The following RFC1 variants were observed in gnomAD, a reference collection of about 807,000 sequenced individuals.
The protein encoded by RFC1 is A1 140 kDa subunit.
In RFC1, 37 loss-of-function variants were observed where a neutral mutation model predicts 137.4. The observed-to-expected ratio is 0.27, with a 90% confidence interval of 0.21 to 0.35. RFC1 has a LOEUF of 0.35. Among genes scored for constraint, RFC1 ranks in the 10% least tolerant of loss-of-function variants. RFC1 has a pLI of 1.00. For missense variants in RFC1, 1,205 were observed against 1,358.5 expected, an observed-to-expected ratio of 0.89 and a Z score of 1.78; for synonymous variants, 429 against 455.7, an observed-to-expected ratio of 0.94 and a Z score of 0.75.
At chr4:39,365,016 G>A (rs1741950299) in intron 1 of RFC1, among the ~76,000 whole-genome samples, 1 of 151,990 alleles carries the variant, frequency 6.6e-6, no homozygotes. Flanking sequence ...TCATTATAGG[G>A]AAGTAGTATA....
At chr4:39,302,239 G>T in intron 19 of RFC1, 39 bp downstream of exon 19, 1 of 1,280,686 alleles carries the variant, frequency 7.8e-7, no homozygotes, top group South Asian at 1.2e-5. Flanking sequence ...GAAGTGTTTT[G>T]GCTTAGGAAA....
In RFC1 at chr4:39,302,526, A is replaced by C; in HGVS notation, c.2410T>G (p.Leu804Val). 6.2e-7 allele frequency: 1 copy of C among 1,609,326 alleles called. No individual in the cohort carries two copies. Among genetic ancestry groups the C allele is most frequent in the South Asian group, 1.1e-5 (1 of 90,702 alleles). ...TGTCTGATATCTTGATTGGCTCCCA[A>C]AATTATTTCATTCATAGCTGGAGGG... ...IPPPAMNEII[L>V]GANQDIRQVL... Residue 804 changes from leucine (L) to valine (V), a missense_variant, in exon 18 of 25, where the codon TTG (leucine) becomes GTG (valine). Coordinates refer to ENST00000349703, the MANE Select transcript of RFC1 (RefSeq NM_002913.5).
intron 1 of RFC1, among the ~76,000 whole-genome samples, chr4:39,362,588 TAA>T (rs1237953909): frequency 6.6e-6 from 1 of 152,100 alleles, no homozygotes; most frequent in Non-Finnish European, 1.5e-5. Context: ...TGTCCACATA[TAA>T]AAGAATAAAA....
chr4:39,316,742 G>A lies in RFC1; in HGVS notation c.1203+173C>T, dbSNP rs17288293. Among the ~76,000 whole-genome samples the A allele has an allele frequency of 3.9e-5, 6 of 152,314 alleles. 1 individual carries two copies. In the South Asian group the frequency reaches 1.2e-3, roughly 32 times the overall value. On this transcript the variant is annotated intron_variant, in intron 10 of 24. Coordinates refer to ENST00000349703, the MANE Select transcript of RFC1 (RefSeq NM_002913.5). ...AAAGGGAAATTTTTCTAAGTATCAA[G>A]CAGTGATTCATAACATGAATAAACA...
At chr4:39,348,446 A>ACGGG (rs1303697044) in intron 2 of RFC1, among the ~76,000 whole-genome samples, 1 of 125,248 alleles carries the variant, frequency 8.0e-6, no homozygotes, top group Non-Finnish European at 1.9e-5. Context: ...AAAGAAAAGA[A>ACGGG]AAGAAAAGAA....
chr4:39,307,083 G>A (rs1176242581), intron 13 of RFC1, among the ~76,000 whole-genome samples: 1 of 152,120 alleles, frequency 6.6e-6, no homozygotes, highest in Non-Finnish European at 1.5e-5. Flanking sequence ...TAGCCCCTCT[G>A]TGCCTGCCTC....
intron 10 of RFC1, among the ~76,000 whole-genome samples, chr4:39,316,600 T>C (rs572928027): frequency 6.6e-6 from 1 of 152,288 alleles, no homozygotes; most frequent in Non-Finnish European, 1.5e-5. Context: ...CCAATTATAA[T>C]TAAATTATTT....
intron 1 of RFC1, among the ~76,000 whole-genome samples, chr4:39,356,612 C>T (rs575525774): frequency 6.8e-4 from 104 of 152,100 alleles, no homozygotes; most frequent in African/African-American, 2.1e-3. Flanking sequence ...TAAATTAATG[C>T]TGATTATATA....
At position 39,312,938 on chromosome 4, in the gene RFC1, A is replaced by G. The variant is rs1560600276; in HGVS notation, c.1204-7T>C. The G allele has an allele frequency of 6.3e-7, 1 of 1,588,926 alleles. No individual in the cohort carries two copies. The highest frequency in any genetic ancestry group is 8.6e-7 in the Non-Finnish European group (1 of 1,164,936). ...CCAAGCAATTTTCAGCTCCCTAAAA[A>G]CCAAAATGTTCAAGCAGAGAGGAAA... is the stretch of plus-strand genomic sequence containing the variant. On this transcript the variant is annotated splice_polypyrimidine_tract_variant and splice_region_variant and intron_variant, in intron 10 of 24. Transcript: ENST00000349703.
At chr4:39,289,564 A>G in intron 24 of RFC1, 1 of 285,708 alleles carries the variant, frequency 3.5e-6, no homozygotes, top group Non-Finnish European at 6.4e-6. Flanking sequence ...ATTTTTCTTG[A>G]AAGCATACAC....
chr4:39,350,302 G>A (rs962929681), intron 2 of RFC1, among the ~76,000 whole-genome samples: 7 of 152,078 alleles, frequency 4.6e-5, no homozygotes, highest in Non-Finnish European at 1.0e-4. Context: ...AAGAAGAGAA[G>A]AGAGAGAATG....
chr4:39,307,716 A>G (rs918308803), intron 13 of RFC1, among the ~76,000 whole-genome samples: 18 of 120,902 alleles, frequency 1.5e-4, no homozygotes, highest in Non-Finnish European at 3.0e-4. Context: ...ACTCTGTCTC[A>G]AAACAAAACA....
intron 6 of RFC1, among the ~76,000 whole-genome samples, chr4:39,324,840 T>C (rs1578139226): frequency 6.6e-6 from 1 of 151,556 alleles, no homozygotes; most frequent in Non-Finnish European, 1.5e-5. Flanking sequence ...ATCGGAGGGG[T>C]TTCTAATATA....
chr4:39,343,021 T>C lies in RFC1; in HGVS notation c.209-554A>G, dbSNP rs17334763. 6.5e-3 allele frequency among the ~76,000 whole-genome samples: 986 copies of C among 152,298 alleles called. 15 individuals are homozygous for C. The highest frequency in any genetic ancestry group is 0.022 in the African/African-American group (930 of 41,568). On this transcript the variant is annotated intron_variant, in intron 3 of 24. Coordinates refer to ENST00000349703, the MANE Select transcript of RFC1 (RefSeq NM_002913.5). ...CTGAGCCCATCCAAATAATCCAGGA[T>C]AATCTCCCTATTTTTTTTTCTTTTT...
At chr4:39,290,389 G>GTA (rs1189069226) in intron 23 of RFC1, among the ~76,000 whole-genome samples, 61 of 149,752 alleles carry the variant, frequency 4.1e-4, no homozygotes, top group Admixed American at 7.3e-4. Flanking sequence ...AAAAAAATAC[G>GTA]TATATATATA....
chr4:39,306,772 A>G (rs577643825), intron 13 of RFC1, 71 bp from the exon 14 acceptor site: 2 of 843,996 alleles, frequency 2.4e-6, no homozygotes, highest in Admixed American at 3.9e-5. Flanking sequence ...TGGCAGAAAT[A>G]GTTATGCCTA....
At chr4:39,315,909 A>G (rs1001033000) in intron 10 of RFC1, among the ~76,000 whole-genome samples, 1 of 152,142 alleles carries the variant, frequency 6.6e-6, no homozygotes, top group African/African-American at 2.4e-5. Context: ...CAGAAATTCA[A>G]ATCTGGTCAT....
In RFC1 at chr4:39,312,742, C is replaced by T. The variant is rs1363624662; in HGVS notation, c.1383+10G>A. On this transcript the variant is annotated intron_variant, in intron 11 of 24. Coordinates refer to ENST00000349703, the MANE Select transcript of RFC1 (RefSeq NM_002913.5). Reference sequence around the variant, plus strand: ...AGGTGTCATGGTGTTGAGAACAAAGCAGTACCCACCTTATCACTCTTGGAC... The same window carrying T: ...AGGTGTCATGGTGTTGAGAACAAAGTAGTACCCACCTTATCACTCTTGGAC... 3 of 1,611,796 alleles carry T rather than the reference C, an allele frequency of 1.9e-6. No individual in the cohort carries two copies. The highest frequency in any genetic ancestry group is 2.2e-5 in the South Asian group (2 of 90,656).
At position 39,344,109 on chromosome 4, in the gene RFC1, G is replaced by A. The variant is rs17287963; in HGVS notation, c.208+1292C>T. 8.7e-3 allele frequency among the ~76,000 whole-genome samples: 1,274 copies of A among 146,034 alleles called. 23 individuals carry two copies. The highest frequency in any genetic ancestry group is 0.03 in the African/African-American group (1,199 of 39,452). ...AGCCTGGGTGACAGAGCAAAATTCC[G>A]TCTCAAAAAAAAAAAAAAATTCACA... On this transcript the variant is annotated intron_variant, in intron 3 of 24. Transcript: ENST00000349703.
Sources: gnomAD v4.1 joint callset for allele counts (sites outside exome capture counted in the v4.1 genomes callset) on GRCh38, gnomAD v4.1.1 for gene constraint, MANE v1.5 for transcripts, NCBI Gene and HGNC (gene_info 2026-07-23, HGNC 2026-07-21) for gene names.